LMNTD1: variants seen among roughly 807,000 people sequenced by gnomAD.
LMNTD1 encodes lamin tail domain containing 1.
Under a neutral mutation model 50.9 loss-of-function variants are expected in LMNTD1, and 35 were observed. That is an observed-to-expected ratio of 0.69 (90% CI 0.53 to 0.91). LMNTD1 has a LOEUF of 0.91. Among genes scored for constraint, LMNTD1 ranks in the 40% least tolerant of loss-of-function variants. The pLI is 0.00. For synonymous variants in LMNTD1, 153 were observed against 161.9 expected, an observed-to-expected ratio of 0.94 and a Z score of 0.42; for missense variants, 470 against 475.5, an observed-to-expected ratio of 0.99 and a Z score of 0.11.
At chr12:25,646,007 G>A (rs187902538) in intron 1 of LMNTD1, among the ~76,000 whole-genome samples, 43 of 152,228 alleles carry the variant, frequency 2.8e-4, no homozygotes, top group African/African-American at 9.6e-4. Flanking sequence ...TCATGGATGA[G>A]GACAAATCCT....
At chr12:25,527,669 TATATATATATATACACACACACACAC>T (rs1421460354) in intron 4 of LMNTD1, among the ~76,000 whole-genome samples, 5 of 22,754 alleles carry the variant, frequency 2.2e-4, no homozygotes, top group African/African-American at 3.0e-4. Context: ...TATATATATA[TATATATATATATACACACACACACAC>T]ACACACACAC....
At chr12:25,607,480 A>G (rs1220999552) in intron 1 of LMNTD1, among the ~76,000 whole-genome samples, 1 of 152,086 alleles carries the variant, frequency 6.6e-6, no homozygotes, top group Non-Finnish European at 1.5e-5. Flanking sequence ...TAGTGCTATA[A>G]ATTTCCCTCT....
At chr12:25,628,590 T>G (rs66860020) in intron 1 of LMNTD1, among the ~76,000 whole-genome samples, 12,660 of 152,210 alleles carry the variant, frequency 0.083, 560 homozygotes, top group Middle Eastern at 0.18. Flanking sequence ...ATCTTAAAAT[T>G]GGTGACTCTC....
intron 1 of LMNTD1, among the ~76,000 whole-genome samples, chr12:25,647,945 C>T (rs1469534627): frequency 6.6e-6 from 1 of 152,012 alleles, no homozygotes; most frequent in South Asian, 2.1e-4. Flanking sequence ...CTCTTCCTTT[C>T]CTTCCTTCAT....
intron 1 of LMNTD1, among the ~76,000 whole-genome samples, chr12:25,560,267 C>T (rs1347945615): frequency 6.6e-6 from 1 of 152,226 alleles, no homozygotes; most frequent in African/African-American, 2.4e-5. Flanking sequence ...ATATGGCCAG[C>T]CAGTTTTCCC....
chr12:25,541,303 A>C (rs1943055922), intron 4 of LMNTD1, among the ~76,000 whole-genome samples: 1 of 134,952 alleles, frequency 7.4e-6, no homozygotes, highest in South Asian at 2.5e-4. Flanking sequence ...AGCTGGAGGC[A>C]TCACACTACC....
intron 1 of LMNTD1, among the ~76,000 whole-genome samples, chr12:25,616,877 A>T (rs1212211468): frequency 6.6e-6 from 1 of 152,206 alleles, no homozygotes; most frequent in Admixed American, 6.5e-5. Context: ...GCACAAGGTG[A>T]TTCTTTGGAG....
At chr12:25,505,224 T>C (rs1289241881) in intron 8 of LMNTD1, among the ~76,000 whole-genome samples, 1 of 152,170 alleles carries the variant, frequency 6.6e-6, no homozygotes, top group African/African-American at 2.4e-5. Context: ...ATTTAGCACC[T>C]AGTAACTTTA....
At chr12:25,586,538 T>C (rs1225208059) in intron 1 of LMNTD1, among the ~76,000 whole-genome samples, 1 of 152,200 alleles carries the variant, frequency 6.6e-6, no homozygotes, top group Admixed American at 6.5e-5. Flanking sequence ...GGTGTGACCA[T>C]GTGACTAAGT....
At chr12:25,621,929 G>A (rs148124673) in intron 1 of LMNTD1, among the ~76,000 whole-genome samples, 12 of 152,304 alleles carry the variant, frequency 7.9e-5, no homozygotes, top group Non-Finnish European at 1.5e-4. Flanking sequence ...ATAGTAAGAG[G>A]ATCACCCTGG....
intron 1 of LMNTD1, among the ~76,000 whole-genome samples, chr12:25,635,816 C>A (rs1168371126): frequency 1.3e-5 from 2 of 152,126 alleles, no homozygotes; most frequent in Non-Finnish European, 1.5e-5. Flanking sequence ...GAATAGAAAA[C>A]TGAAATAAAC....
chr12:25,610,267 G>A (rs1289793293), intron 1 of LMNTD1, among the ~76,000 whole-genome samples: 1 of 152,130 alleles, frequency 6.6e-6, no homozygotes, highest in African/African-American at 2.4e-5. Context: ...GCTAGGAAAG[G>A]GAAATTTCCA....
At chr12:25,589,112 G>C (rs1945623277) in intron 1 of LMNTD1, among the ~76,000 whole-genome samples, 1 of 152,038 alleles carries the variant, frequency 6.6e-6, no homozygotes. Flanking sequence ...TACTGTCCAA[G>C]GTACATGTAC....
At chr12:25,608,731 C>T (rs889110972) in intron 1 of LMNTD1, among the ~76,000 whole-genome samples, 9 of 151,670 alleles carry the variant, frequency 5.9e-5, no homozygotes, top group Non-Finnish European at 1.0e-4. Context: ...AGAAACCCGA[C>T]CTTTCTCTGG....
chr12:25,647,420 G>A (rs1207069478), intron 1 of LMNTD1, among the ~76,000 whole-genome samples: 1 of 152,188 alleles, frequency 6.6e-6, no homozygotes, highest in African/African-American at 2.4e-5. Context: ...GCCTGGGGGG[G>A]CAGAGGTTGC....
chr12:25,534,030 A>T (rs1942402662), intron 4 of LMNTD1, among the ~76,000 whole-genome samples: 1 of 152,196 alleles, frequency 6.6e-6, no homozygotes, highest in African/African-American at 2.4e-5. Context: ...ATATAGTTTG[A>T]TCACACCTGA....
intron 1 of LMNTD1, among the ~76,000 whole-genome samples, chr12:25,566,288 C>CT (rs949957572): frequency 2.0e-5 from 3 of 152,014 alleles, no homozygotes; most frequent in Non-Finnish European, 4.4e-5. Context: ...GTTTTTTATT[C>CT]TTTTTTTCTT....
At chr12:25,578,159 C>A (rs957271020) in intron 1 of LMNTD1, among the ~76,000 whole-genome samples, 2 of 152,186 alleles carry the variant, frequency 1.3e-5, no homozygotes, top group African/African-American at 4.8e-5. Flanking sequence ...TGCACACACA[C>A]ACACACTTTA....
chr12:25,580,433 C>A (rs1458764470), intron 1 of LMNTD1, among the ~76,000 whole-genome samples: 1 of 152,018 alleles, frequency 6.6e-6, no homozygotes, highest in African/African-American at 2.4e-5. Context: ...ATAACACTCC[C>A]AGTTGCTGGC....
Sources: allele counts gnomAD v4.1 joint callset (sites outside exome capture counted in the v4.1 genomes callset), GRCh38; gene constraint gnomAD v4.1.1; transcripts MANE v1.5; gene names NCBI Gene and HGNC (gene_info 2026-07-23, HGNC 2026-07-21).